The following CBL variants were observed in gnomAD, a reference collection of about 807,000 sequenced individuals.
CBL encodes E3 ubiquitin-protein ligase CBL.
CBL carries 45 observed loss-of-function variants against 96.9 expected under a neutral mutation model. That is an observed-to-expected ratio of 0.46 (90% CI 0.37 to 0.60). The LOEUF is 0.60. Among genes scored for constraint, CBL ranks in the 20% least tolerant of loss-of-function variants. The probability of loss-of-function intolerance (pLI) is 0.00; values close to 1 mark genes in which losing one functional copy is unlikely to be tolerated. For synonymous variants in CBL, 420 were observed against 426.8 expected (o/e 0.98, Z 0.20); for missense variants, 1,024 against 1,143.5 (o/e 0.90, Z 1.51).
At chr11:119,254,853 C>T (rs1949698473) in intron 2 of CBL, among the ~76,000 whole-genome samples, 1 of 152,206 alleles carries the variant, frequency 6.6e-6, no homozygotes, top group Non-Finnish European at 1.5e-5. Flanking sequence ...CCTCCCACCT[C>T]AGCCTCCCAA....
At chr11:119,230,382 C>T (rs1025724640) in intron 1 of CBL, among the ~76,000 whole-genome samples, 48 of 152,004 alleles carry the variant, frequency 3.2e-4, no homozygotes, top group African/African-American at 1.1e-3. Context: ...CCTCGTGATC[C>T]GCCCGCCTCA....
At chr11:119,219,651 C>G (rs1051839832) in intron 1 of CBL, among the ~76,000 whole-genome samples, 3 of 150,214 alleles carry the variant, frequency 2.0e-5, no homozygotes, top group African/African-American at 4.9e-5. Flanking sequence ...GAAGTTGCAT[C>G]GATAACTCTG....
At chr11:119,241,613 T>G (rs1307232906) in intron 2 of CBL, among the ~76,000 whole-genome samples, 1 of 152,224 alleles carries the variant, frequency 6.6e-6, no homozygotes, top group African/African-American at 2.4e-5. Flanking sequence ...TTTGTGCAGC[T>G]ATAATCTTTT....
intron 2 of CBL, among the ~76,000 whole-genome samples, chr11:119,246,008 CTT>C (rs985075443): frequency 3.2e-5 from 3 of 94,782 alleles, no homozygotes; most frequent in South Asian, 3.5e-4. Flanking sequence ...TGGAATCTCT[CTT>C]TGTCACCAGG....
At chr11:119,278,362 G>A (rs1005962812) in intron 8 of CBL, 65 bp downstream of exon 8, 5 of 1,587,162 alleles carry the variant, frequency 3.2e-6, no homozygotes, top group African/African-American at 2.7e-5. Flanking sequence ...GTATTATATA[G>A]CCTTTACTGA....
intron 2 of CBL, among the ~76,000 whole-genome samples, chr11:119,268,643 A>G (rs879886272): frequency 2.6e-5 from 4 of 152,222 alleles, no homozygotes; most frequent in Non-Finnish European, 4.4e-5. Flanking sequence ...TTGCAAAGGA[A>G]CAGGAGAGAG....
chr11:119,217,091 A>G (rs118109678), intron 1 of CBL, among the ~76,000 whole-genome samples: 31 of 152,336 alleles, frequency 2.0e-4, no homozygotes, highest in Non-Finnish European at 4.0e-4. Context: ...ATTCAGATAG[A>G]TTAAACAAGC....
intron 3 of CBL, among the ~76,000 whole-genome samples, chr11:119,273,575 TTTTG>T (rs530955189): frequency 3.2e-4 from 49 of 152,230 alleles, no homozygotes; most frequent in South Asian, 1.9e-3. Context: ...GTCTGGCTAA[TTTTG>T]TTTGTTTGTT....
chr11:119,230,175 G>A (rs1424014393), intron 1 of CBL, among the ~76,000 whole-genome samples: 3 of 149,396 alleles, frequency 2.0e-5, no homozygotes, highest in Non-Finnish European at 4.4e-5. Context: ...TTTTTGAGAC[G>A]GAGTCTTGCT....
chr11:119,225,346 C>G (rs1215025718), intron 1 of CBL, among the ~76,000 whole-genome samples: 2 of 152,124 alleles, frequency 1.3e-5, no homozygotes, highest in Admixed American at 6.6e-5. Context: ...ATTCTCCCGC[C>G]TTGGCCTCCC....
rs2135320968 is a variant in CBL at position 119,298,384 on chromosome 11, G to A, written c.2278G>A (p.Ala760Thr). The A allele has an allele frequency of 6.2e-7, 1 of 1,614,218 alleles. No individual in the cohort carries two copies. Among genetic ancestry groups the A allele is most frequent in the Non-Finnish European group, 8.5e-7 (1 of 1,180,038 alleles). The stretch of plus-strand genomic sequence containing the variant: ...TGAAGGGAATTTGGCCGCAGCCCAT[G>A]CCAACACTGGTCCCGAGGAGTCAGA... ...FGEGNLAAAH[A>T]NTGPEESENE... The change falls in exon 15 of 16, where the codon GCC becomes ACC. Residue 760 changes from alanine to threonine, a missense_variant. Around this residue, in one of 4 missense-constraint regions of CBL, gnomAD observed 695 missense variants for 661.6 expected, o/e 1.05. Coordinates refer to ENST00000264033, the MANE Select transcript of CBL (RefSeq NM_005188.4).
At chr11:119,249,548 T>G (rs1949655571) in intron 2 of CBL, among the ~76,000 whole-genome samples, 1 of 88,628 alleles carries the variant, frequency 1.1e-5, no homozygotes, top group Non-Finnish European at 1.9e-5. Flanking sequence ...TGAGACTCGG[T>G]CTCAAAAAAA....
intron 1 of CBL, among the ~76,000 whole-genome samples, chr11:119,214,403 C>T (rs529954574): frequency 6.6e-6 from 1 of 152,254 alleles, no homozygotes; most frequent in South Asian, 2.1e-4. Context: ...GCGTGTGCCA[C>T]CACACCAGTT....
intron 2 of CBL, among the ~76,000 whole-genome samples, chr11:119,242,741 TAAAAAA>T (rs34339877): frequency 8.5e-6 from 1 of 117,946 alleles, no homozygotes; most frequent in African/African-American, 3.1e-5. Flanking sequence ...CCTGACTCTT[TAAAAAA>T]AAAAAAAAAA....
At position 119,299,705 on chromosome 11, in the gene CBL, A is replaced by C. The variant is rs1167857959; in HGVS notation, c.2645A>C (p.Gln882Pro). ...QDIQKALVIA[Q>P]NNIEMAKNIL... Reference sequence around the variant, plus strand: ...ATCCAGAAAGCTTTGGTCATTGCCCAGAACAACATCGAGATGGCCAAAAAC... The same window carrying C: ...ATCCAGAAAGCTTTGGTCATTGCCCCGAACAACATCGAGATGGCCAAAAAC... The change falls in exon 16 of 16, where the codon CAG (glutamine) becomes CCG (proline). Residue 882 changes from glutamine (Q) to proline (P), a missense_variant. By Grantham distance (76) the Gln-to-Pro change is moderately conservative. Around this residue, in one of 4 missense-constraint regions of CBL, gnomAD observed 23 missense variants for 42.7 expected, o/e 0.54. Transcript: ENST00000264033. The C allele has an allele frequency of 6.2e-7, 1 of 1,614,244 alleles. No homozygotes were observed. Among genetic ancestry groups the C allele is most frequent in the South Asian group, 1.1e-5 (1 of 91,084 alleles).
intron 2 of CBL, among the ~76,000 whole-genome samples, chr11:119,246,346 A>G (rs563446634): frequency 1.5e-3 from 222 of 152,292 alleles, no homozygotes; most frequent in African/African-American, 5.1e-3. Context: ...AGTGTGTTAC[A>G]GTGTGATATT....
chr11:119,288,716 T>C (rs1469401599), intron 12 of CBL, among the ~76,000 whole-genome samples: 1 of 152,112 alleles, frequency 6.6e-6, no homozygotes, highest in Non-Finnish European at 1.5e-5. Flanking sequence ...GAACCACATA[T>C]ATGAAAAGTT....
intron 6 of CBL, among the ~76,000 whole-genome samples, chr11:119,277,088 G>A (rs1447988465): frequency 6.6e-6 from 1 of 152,076 alleles, no homozygotes; most frequent in Non-Finnish European, 1.5e-5. Flanking sequence ...TGTACTAAAA[G>A]TACAAAAAGT....
intron 2 of CBL, among the ~76,000 whole-genome samples, chr11:119,264,441 CTT>C (rs766480537): frequency 1.2e-5 from 1 of 84,392 alleles, no homozygotes; most frequent in African/African-American, 4.1e-5. Context: ...CTCTTCTCTT[CTT>C]TCTCTTCTCT....
Sources: allele counts gnomAD v4.1 joint callset (sites outside exome capture counted in the v4.1 genomes callset), GRCh38; gene constraint gnomAD v4.1.1; regional missense constraint gnomAD v4.1.1; transcripts MANE v1.5; gene names NCBI Gene and HGNC (gene_info 2026-07-23, HGNC 2026-07-21).